The following AHCTF1 variants were observed in gnomAD, a reference collection of about 807,000 sequenced individuals.
The protein encoded by AHCTF1 is protein ELYS.
AHCTF1 carries 24 observed loss-of-function variants against 248.4 expected under a neutral mutation model. The observed-to-expected ratio is 0.10, with a 90% CI of 0.07 to 0.14. The LOEUF (loss-of-function observed/expected upper bound fraction) is 0.14, where lower values mean the gene tolerates loss of function less well. Ranked by LOEUF, AHCTF1 falls within the 10% of genes least tolerant of loss-of-function variation. The probability of loss-of-function intolerance (pLI) is 1.00; values close to 1 mark genes in which losing one functional copy is unlikely to be tolerated. For synonymous variants in AHCTF1, 786 were observed against 929.8 expected (o/e 0.85, Z 2.81); for missense variants, 2,206 against 2,636.2 (o/e 0.84, Z 3.57).
At position 246,896,465 on chromosome 1, in the gene AHCTF1, T is replaced by C. The variant is rs188067542; in HGVS notation, c.1624-540A>G. ...TGAGACAGTCACAAAAGACTTCATA[T>C]TATTTGACCCATTTATATGAAATGT... On this transcript the variant is annotated intron_variant, in intron 12 of 35. Coordinates refer to ENST00000648844, the MANE Select transcript of AHCTF1 (RefSeq NM_001323342.2). 3.2e-3 allele frequency among the ~76,000 whole-genome samples: 487 copies of C among 152,340 alleles called. 1 individual carries two copies. Among genetic ancestry groups the C allele is most frequent in the Middle Eastern group, 0.01 (3 of 294 alleles).
At chr1:246,916,824 C>A (rs1280675984) in intron 2 of AHCTF1, among the ~76,000 whole-genome samples, 1 of 152,152 alleles carries the variant, frequency 6.6e-6, no homozygotes, top group Non-Finnish European at 1.5e-5. Flanking sequence ...AGATCCCAAG[C>A]CTGTTTAACT....
chr1:246,904,633 C>T (rs1163645512), intron 6 of AHCTF1, among the ~76,000 whole-genome samples: 4 of 152,074 alleles, frequency 2.6e-5, no homozygotes, highest in Admixed American at 6.6e-5. Flanking sequence ...GGATGTTGCC[C>T]TCGACCATGA....
At chr1:246,921,243 AAC>A (rs1378362968) in intron 1 of AHCTF1, among the ~76,000 whole-genome samples, 2 of 152,226 alleles carry the variant, frequency 1.3e-5, no homozygotes, top group South Asian at 2.1e-4. Flanking sequence ...AGAAAAAATA[AAC>A]ACAGAATGCA....
At chr1:246,927,008 A>G (rs762305656) in intron 1 of AHCTF1, among the ~76,000 whole-genome samples, 2 of 151,680 alleles carry the variant, frequency 1.3e-5, no homozygotes, top group Non-Finnish European at 2.9e-5. Flanking sequence ...TCCCGTCTCT[A>G]CTAAAAATAC....
At chr1:246,869,241 T>C (rs114757176) in intron 24 of AHCTF1, among the ~76,000 whole-genome samples, 214 of 152,232 alleles carry the variant, frequency 1.4e-3, no homozygotes, top group African/African-American at 4.9e-3. Context: ...CTTACTCCAC[T>C]GACTAACTGT....
At chr1:246,913,485 T>C in intron 3 of AHCTF1, 73 bp from the exon 4 acceptor site, 3 of 1,404,570 alleles carry the variant, frequency 2.1e-6, no homozygotes, top group Non-Finnish European at 1.9e-6. Flanking sequence ...TAAATTTAAG[T>C]TAAAGCAGGT....
intron 20 of AHCTF1, 33 bp from the exon 21 acceptor site, chr1:246,885,713 T>C (rs2103125931): frequency 1.9e-6 from 3 of 1,556,156 alleles, no homozygotes; most frequent in East Asian, 4.9e-5. Flanking sequence ...TAAATATAAA[T>C]ATAATCCTAT....
In AHCTF1 at chr1:246,888,490, C is replaced by T. The variant is rs1663984599; in HGVS notation, c.2172G>A (p.Met724Ile). 2 of 1,613,912 alleles carry T rather than the reference C, an allele frequency of 1.2e-6. No homozygotes were observed. The highest frequency in any genetic ancestry group is 1.7e-6 in the Non-Finnish European group (2 of 1,179,996). ...SRGKWNPDCL[M>I]IDGLVSQLGE... ...CTAACTGAGAAACCAGTCCATCAAT[C>T]ATCAAGCAATCGGGATTCCACTTCC... Residue 724 changes from methionine to isoleucine, a missense_variant, in exon 18 of 36, where the codon ATG becomes ATA. Physicochemically the swap from Met to Ile is conservative, Grantham distance 10. Coordinates refer to ENST00000648844, the MANE Select transcript of AHCTF1 (RefSeq NM_001323342.2).
chr1:246,873,211 T>C (rs972045027), intron 24 of AHCTF1, among the ~76,000 whole-genome samples: 1 of 152,226 alleles, frequency 6.6e-6, no homozygotes, highest in East Asian at 1.9e-4. Context: ...TTCTCCCTTA[T>C]AGAACTCTCT....
chr1:246,892,836 GGGTCTTGCTATATTGCTCAGGCT>G (rs1309119655), intron 14 of AHCTF1, among the ~76,000 whole-genome samples: 1 of 151,844 alleles, frequency 6.6e-6, no homozygotes, highest in Non-Finnish European at 1.5e-5. Context: ...GCAGAGACGG[GGGTCTTGCTATATTGCTCAGGCT>G]GGTCTTGAAC....
chr1:246,849,152 G>A (rs527526293), intron 33 of AHCTF1, among the ~76,000 whole-genome samples: 3 of 152,306 alleles, frequency 2.0e-5, no homozygotes, highest in African/African-American at 7.2e-5. Context: ...AGGGCATGTA[G>A]ATGCGCCAGT....
chr1:246,854,650 C>T (rs532416126), intron 31 of AHCTF1, among the ~76,000 whole-genome samples: 12 of 152,222 alleles, frequency 7.9e-5, no homozygotes, highest in South Asian at 4.1e-4. Context: ...AGGTACCAAG[C>T]GCTACACAAA....
Position 246,861,165 on chromosome 1 carries a change from T to C in AHCTF1, c.3866A>G (p.Gln1289Arg), listed in dbSNP as rs1661517509. 1 of 1,613,852 alleles carries C rather than the reference T, an allele frequency of 6.2e-7. No homozygotes were observed. The highest frequency in any genetic ancestry group is 8.5e-7 in the Non-Finnish European group (1 of 1,180,042). Residue 1289 changes from glutamine to arginine, a missense_variant, in exon 29 of 36, where the codon CAA becomes CGA. By Grantham distance (43) the Gln-to-Arg change is conservative. This residue lies in a region of AHCTF1 where 955 missense variants were observed against 1,055.6 expected (regional missense o/e 0.90). Coordinates refer to ENST00000648844, the MANE Select transcript of AHCTF1 (RefSeq NM_001323342.2). ...FFLNSPEKEH[Q>R]EMDEGSQSLE... is the part of the protein sequence containing the mutation. ...ACTTTGTGACCCCTCATCCATTTCT[T>C]GATGCTCCTTTTCAGGGCTGTTCAG...
chr1:246,861,025 T>A lies in AHCTF1; in HGVS notation c.4006A>T (p.Thr1336Ser). ...SPEDLEETVF[T>S]ASKPKSSSTA... ...GAAGAGCTTTTGGGCTTAGAGGCCG[T>A]GAAAACAGTCTCTTCAAGGTCTTCC... Residue 1336 changes from threonine (T) to serine (S), a missense_variant, in exon 29 of 36, where the codon ACG becomes TCG. By Grantham distance (58) the Thr-to-Ser change is moderately conservative (BLOSUM62 1). Coordinates refer to ENST00000648844, the MANE Select transcript of AHCTF1 (RefSeq NM_001323342.2). The A allele has an allele frequency of 5.6e-6, 9 of 1,613,980 alleles. No individual in the cohort carries two copies. Among genetic ancestry groups the A allele is most frequent in the Middle Eastern group, 1.7e-4 (1 of 6,050 alleles).
chr1:246,869,191 T>C lies in AHCTF1; in HGVS notation c.3089-1380A>G, dbSNP rs1662358225. Reference sequence around the variant, plus strand: ...ATTGAAGGTCTGTGGCAACCCTGTGTCCAGCAAGTCTACTGGCACCATTTT... The same window carrying C: ...ATTGAAGGTCTGTGGCAACCCTGTGCCCAGCAAGTCTACTGGCACCATTTT... On this transcript the variant is annotated intron_variant, in intron 24 of 35. Coordinates refer to ENST00000648844, the MANE Select transcript of AHCTF1 (RefSeq NM_001323342.2). Among the ~76,000 whole-genome samples, 3 of 152,264 alleles carry C rather than the reference T, an allele frequency of 2.0e-5. No individual in the cohort carries two copies. In the South Asian group the frequency reaches 6.2e-4, roughly 32 times the overall value.
At chr1:246,907,974 T>C (rs1161355300) in intron 4 of AHCTF1, among the ~76,000 whole-genome samples, 1 of 152,198 alleles carries the variant, frequency 6.6e-6, no homozygotes, top group Non-Finnish European at 1.5e-5. Flanking sequence ...TTCAATTATA[T>C]AATATTTAAA....
intron 1 of AHCTF1, 24 bp from the exon 2 acceptor site, chr1:246,918,401 C>T (rs906415604): frequency 1.3e-6 from 2 of 1,593,544 alleles, no homozygotes; most frequent in Non-Finnish European, 1.7e-6. Flanking sequence ...TAAAAGAAAA[C>T]ATTATTATGA....
At chr1:246,923,829 AGT>A (rs1257623361) in intron 1 of AHCTF1, among the ~76,000 whole-genome samples, 1 of 152,196 alleles carries the variant, frequency 6.6e-6, no homozygotes, top group Non-Finnish European at 1.5e-5. Context: ...AACATCCTTC[AGT>A]GTGTGTGGGG....
chr1:246,929,607 T>G (rs913880212), intron 1 of AHCTF1, among the ~76,000 whole-genome samples: 2 of 152,172 alleles, frequency 1.3e-5, no homozygotes, highest in African/African-American at 2.4e-5. Context: ...GCATAAAATT[T>G]GTTAACATAT....
Sources: gnomAD v4.1 joint callset for allele counts (sites outside exome capture counted in the v4.1 genomes callset) on GRCh38, gnomAD v4.1.1 for gene constraint, gnomAD v4.1.1 regional missense constraint, MANE v1.5 for transcripts, NCBI Gene and HGNC (gene_info 2026-07-23, HGNC 2026-07-21) for gene names.